Variants in SLC9B1 observed in about 807,000 individuals in gnomAD.
The protein encoded by SLC9B1 is solute carrier family 9 member B1, also known as sodium/hydrogen exchanger 9B1.
Under a neutral mutation model 51.7 loss-of-function variants are expected in SLC9B1, and 32 were observed. The observed-to-expected ratio is 0.62, with a 90% confidence interval of 0.47 to 0.83. The LOEUF is 0.83. Ranked by LOEUF, SLC9B1 falls within the 40% of genes least tolerant of loss-of-function variation. The pLI, the probability that SLC9B1 is intolerant of heterozygous loss-of-function variation, is 0.00. For synonymous variants in SLC9B1, 145 were observed against 212.7 expected (o/e 0.68, Z 2.77); for missense variants, 406 against 613.2 (o/e 0.66, Z 3.57).
At chr4:102,948,848 T>C (rs1246635689) in intron 4 of SLC9B1, among the ~76,000 whole-genome samples, 1 of 152,026 alleles carries the variant, frequency 6.6e-6, no homozygotes, top group African/African-American at 2.4e-5. Flanking sequence ...GGTTGAAAAA[T>C]TACCTATTGG....
At chr4:103,005,382 G>GT (rs1740730311) in intron 1 of SLC9B1, among the ~76,000 whole-genome samples, 2 of 152,014 alleles carry the variant, frequency 1.3e-5, no homozygotes, top group South Asian at 4.1e-4. Context: ...ATGGTAAAGG[G>GT]TTCAGTTCAA....
intron 11 of SLC9B1, among the ~76,000 whole-genome samples, chr4:102,904,284 T>A (rs1734922714): frequency 6.6e-6 from 1 of 152,006 alleles, no homozygotes; most frequent in Admixed American, 6.6e-5. Flanking sequence ...GGTCTTGAAC[T>A]CCTGAGCTCA....
intron 1 of SLC9B1, among the ~76,000 whole-genome samples, chr4:103,000,421 A>AAGTCCACAG (rs1468604937): frequency 6.6e-6 from 1 of 152,200 alleles, no homozygotes; most frequent in Admixed American, 6.5e-5. Flanking sequence ...ATTAACTCAA[A>AAGTCCACAG]AGTCCACAGA....
chr4:102,886,345 G>A (rs1459638581), intron 11 of SLC9B1, among the ~76,000 whole-genome samples: 2 of 151,920 alleles, frequency 1.3e-5, no homozygotes, highest in Admixed American at 1.3e-4. Context: ...AAAAAAATTA[G>A]CCAGGCGTGG....
intron 8 of SLC9B1, 49 bp from the exon 9 acceptor site, chr4:102,910,637 A>G (rs1194742090): frequency 5.8e-6 from 5 of 864,814 alleles, no homozygotes; most frequent in East Asian, 3.8e-5. Context: ...AATATATAAT[A>G]TAAGATTTGA....
intron 6 of SLC9B1, among the ~76,000 whole-genome samples, chr4:102,935,932 A>C (rs1736700650): frequency 6.6e-6 from 1 of 152,202 alleles, no homozygotes; most frequent in African/African-American, 2.4e-5. Context: ...CAACACAGGC[A>C]TACCTGCTGT....
At chr4:102,914,684 A>T (rs1393977269) in intron 7 of SLC9B1, among the ~76,000 whole-genome samples, 1 of 152,228 alleles carries the variant, frequency 6.6e-6, no homozygotes, top group Non-Finnish European at 1.5e-5. Context: ...ATTTGAAATT[A>T]TGGAGTCAGA....
chr4:102,935,043 C>T (rs1442442304), intron 6 of SLC9B1, among the ~76,000 whole-genome samples: 1 of 151,668 alleles, frequency 6.6e-6, no homozygotes, highest in African/African-American at 2.4e-5. Flanking sequence ...TAACAAAATA[C>T]ACTTCTTAGA....
chr4:102,923,063 C>G (rs544114395), intron 7 of SLC9B1, among the ~76,000 whole-genome samples: 1 of 152,254 alleles, frequency 6.6e-6, no homozygotes, highest in South Asian at 2.1e-4. Context: ...TTTTATGAGG[C>G]CAACATCATC....
chr4:102,996,623 T>A (rs780066339), intron 1 of SLC9B1, among the ~76,000 whole-genome samples: 20 of 152,334 alleles, frequency 1.3e-4, no homozygotes, highest in Middle Eastern at 3.4e-3. Flanking sequence ...TATCAATATC[T>A]AATTGACTCA....
intron 1 of SLC9B1, among the ~76,000 whole-genome samples, chr4:103,008,120 T>C (rs1180265433): frequency 6.6e-6 from 1 of 152,218 alleles, no homozygotes; most frequent in East Asian, 1.9e-4. Flanking sequence ...CTTTTCGGAA[T>C]GAGGTAGATA....
intron 1 of SLC9B1, among the ~76,000 whole-genome samples, chr4:103,010,034 T>C (rs1187458986): frequency 6.6e-6 from 1 of 152,196 alleles, no homozygotes; most frequent in Non-Finnish European, 1.5e-5. Context: ...TTCCTAATAG[T>C]ATTTAGGATT....
chr4:102,982,769 AG>A (rs1349732656), intron 3 of SLC9B1, among the ~76,000 whole-genome samples: 2 of 152,130 alleles, frequency 1.3e-5, no homozygotes, highest in African/African-American at 4.8e-5. Flanking sequence ...TAGTTGTTCC[AG>A]GAGTTTTTTT....
intron 11 of SLC9B1, among the ~76,000 whole-genome samples, chr4:102,904,983 C>A (rs1208130266): frequency 2.1e-5 from 3 of 144,154 alleles, no homozygotes; most frequent in South Asian, 2.2e-4. Context: ...GACTCTGTCT[C>A]AAAAAAAAAA....
chr4:102,983,900 T>C (rs1739485612), intron 3 of SLC9B1, among the ~76,000 whole-genome samples: 1 of 152,078 alleles, frequency 6.6e-6, no homozygotes, highest in South Asian at 2.1e-4. Context: ...TAAATTATAT[T>C]ACTTTTTTTC....
chr4:102,931,816 C>A (rs937936688), intron 7 of SLC9B1, among the ~76,000 whole-genome samples: 1 of 152,164 alleles, frequency 6.6e-6, no homozygotes, highest in African/African-American at 2.4e-5. Flanking sequence ...ACAAATAATA[C>A]CGCTGAATTT....
At chr4:102,919,176 T>C (rs1381568810) in intron 7 of SLC9B1, among the ~76,000 whole-genome samples, 1 of 152,198 alleles carries the variant, frequency 6.6e-6, no homozygotes, top group Non-Finnish European at 1.5e-5. Context: ...ATCTTGGCAA[T>C]TAACATTCGG....
intron 11 of SLC9B1, among the ~76,000 whole-genome samples, chr4:102,903,180 C>T (rs1444594661): frequency 6.6e-6 from 1 of 152,090 alleles, no homozygotes; most frequent in African/African-American, 2.4e-5. Flanking sequence ...TTTCCTCATA[C>T]CTGCTTTTCT....
chr4:102,885,533 G>A (rs890546359), intron 11 of SLC9B1: 1 of 865,998 alleles, frequency 1.2e-6, no homozygotes, highest in Non-Finnish European at 1.9e-6. Context: ...AGAATTTTCT[G>A]TAATATTTGG....
Sources: gnomAD v4.1 joint callset for allele counts (sites outside exome capture counted in the v4.1 genomes callset) on GRCh38, gnomAD v4.1.1 for gene constraint, MANE v1.5 for transcripts, NCBI Gene and HGNC (gene_info 2026-07-23, HGNC 2026-07-21) for gene names.